DCLK1: variants seen among roughly 807,000 people sequenced by gnomAD.
DCLK1 encodes the protein doublecortin like kinase 1.
DCLK1 carries 16 observed loss-of-function variants against 86.2 expected under a neutral mutation model. The ratio of observed to expected loss-of-function variants is 0.19; its 90% CI spans 0.13 to 0.28. The LOEUF (loss-of-function observed/expected upper bound fraction) is 0.28, where lower values mean the gene tolerates loss of function less well. Ranked by LOEUF, DCLK1 falls within the 10% of genes least tolerant of loss-of-function variation. The pLI is 1.00. For missense variants in DCLK1, 590 were observed against 940.2 expected (o/e 0.63, Z 4.87); for synonymous variants, 369 against 370.5 (o/e 1.00, Z 0.05).
intron 4 of DCLK1, among the ~76,000 whole-genome samples, chr13:35,938,580 G>A (rs777322141): frequency 1.3e-4 from 19 of 151,916 alleles, no homozygotes; most frequent in Non-Finnish European, 2.5e-4. Flanking sequence ...AGTGAGCCAA[G>A]ATCGCGCCAC....
chr13:35,868,124 G>A (rs977762969), intron 5 of DCLK1, among the ~76,000 whole-genome samples: 2 of 149,780 alleles, frequency 1.3e-5, no homozygotes, highest in East Asian at 2.0e-4. Context: ...CCGGGTTCAC[G>A]CCATTCTCCT....
chr13:36,117,730 C>A (rs544258106), intron 2 of DCLK1, among the ~76,000 whole-genome samples: 24 of 152,286 alleles, frequency 1.6e-4, no homozygotes. Flanking sequence ...GTCATAGGTG[C>A]AAGACCTAAC....
intron 3 of DCLK1, among the ~76,000 whole-genome samples, chr13:35,994,094 T>C (rs1446128513): frequency 7.9e-6 from 1 of 127,282 alleles, no homozygotes; most frequent in African/African-American, 3.0e-5. Flanking sequence ...AGGGGAAAAG[T>C]AACATGCAGC....
intron 3 of DCLK1, among the ~76,000 whole-genome samples, chr13:35,989,420 C>T (rs7983141): frequency 1.3e-5 from 2 of 151,812 alleles, no homozygotes; most frequent in South Asian, 2.1e-4. Context: ...TACAGGTGCT[C>T]ACCACCACAC....
chr13:36,100,123 G>T (rs1885151773), intron 3 of DCLK1, among the ~76,000 whole-genome samples: 1 of 131,224 alleles, frequency 7.6e-6, no homozygotes, highest in Non-Finnish European at 1.6e-5. Flanking sequence ...CAGGAGGATT[G>T]CTTGAGTCCA....
intron 3 of DCLK1, among the ~76,000 whole-genome samples, chr13:35,971,399 T>C (rs1414176189): frequency 6.6e-6 from 1 of 152,112 alleles, no homozygotes; most frequent in Non-Finnish European, 1.5e-5. Context: ...AGCTAAGACT[T>C]AGAGCTTGAT....
intron 3 of DCLK1, among the ~76,000 whole-genome samples, chr13:35,976,141 C>T (rs1026629878): frequency 1.3e-5 from 2 of 152,064 alleles, no homozygotes; most frequent in Admixed American, 1.3e-4. Context: ...GGATGACATG[C>T]GGGTAGGGTT....
intron 15 of DCLK1, among the ~76,000 whole-genome samples, chr13:35,797,202 T>G (rs1593599014): frequency 6.6e-6 from 1 of 152,176 alleles, no homozygotes; most frequent in African/African-American, 2.4e-5. Context: ...TGGGGAAAGA[T>G]AGCTGGGTTT....
intron 3 of DCLK1, among the ~76,000 whole-genome samples, chr13:36,055,214 G>A (rs897645276): frequency 6.6e-6 from 1 of 152,108 alleles, no homozygotes; most frequent in Non-Finnish European, 1.5e-5. Flanking sequence ...TGGGTAAATG[G>A]ATAAATAATG....
At chr13:35,975,583 A>G (rs919800740) in intron 3 of DCLK1, among the ~76,000 whole-genome samples, 19 of 148,638 alleles carry the variant, frequency 1.3e-4, no homozygotes, top group African/African-American at 4.7e-4. Context: ...TTCTGGCAGC[A>G]TGACTTTGTA....
rs186104542 is a variant in DCLK1, at chr13:35,879,567, G to A, written c.824-8227C>T. ...TCTGCAGGTGTCCTGAGGGATAGGCGGTTTAGCTCCGGGAGATTGCTTGGT... is the reference window on the plus strand; with the variant it reads ...TCTGCAGGTGTCCTGAGGGATAGGCAGTTTAGCTCCGGGAGATTGCTTGGT... On this transcript the variant is annotated intron_variant, in intron 4 of 16. Transcript: ENST00000360631. Among the ~76,000 whole-genome samples the A allele has an allele frequency of 8.5e-5, 13 of 152,248 alleles. No individual in the cohort carries two copies. In the East Asian group the frequency reaches 1.7e-3, roughly 20 times the overall value.
intron 4 of DCLK1, among the ~76,000 whole-genome samples, chr13:35,931,272 C>G (rs1752710194): frequency 6.6e-6 from 1 of 152,108 alleles, no homozygotes; most frequent in South Asian, 2.1e-4. Context: ...TATCCTCAAG[C>G]AGAATTTGGA....
intron 3 of DCLK1, among the ~76,000 whole-genome samples, chr13:36,049,427 C>T (rs1032497585): frequency 1.3e-5 from 2 of 152,116 alleles, no homozygotes; most frequent in African/African-American, 4.8e-5. Flanking sequence ...TGCATAGATC[C>T]CTTCCATTAA....
chr13:36,045,274 T>TAG (rs1376934380), intron 3 of DCLK1, among the ~76,000 whole-genome samples: 15 of 136,984 alleles, frequency 1.1e-4, no homozygotes, highest in Admixed American at 7.6e-5. Context: ...TATATATATA[T>TAG]AGAAGATATA....
intron 3 of DCLK1, among the ~76,000 whole-genome samples, chr13:35,957,218 A>T (rs1446830074): frequency 6.6e-6 from 1 of 152,176 alleles, no homozygotes; most frequent in African/African-American, 2.4e-5. Context: ...TGGCATGCAG[A>T]TAAAGTTACA....
intron 4 of DCLK1, among the ~76,000 whole-genome samples, chr13:35,944,616 C>T (rs1441337771): frequency 6.6e-6 from 1 of 152,104 alleles, no homozygotes; most frequent in African/African-American, 2.4e-5. Flanking sequence ...CAATTTAGAT[C>T]GTTTTTCTAT....
intron 16 of DCLK1, among the ~76,000 whole-genome samples, chr13:35,775,350 A>G (rs936331966): frequency 6.6e-6 from 1 of 152,214 alleles, no homozygotes; most frequent in Non-Finnish European, 1.5e-5. Flanking sequence ...TTCACTTTAC[A>G]AAGTTCATTT....
At chr13:35,987,236 A>G (rs564952996) in intron 3 of DCLK1, among the ~76,000 whole-genome samples, 77 of 152,226 alleles carry the variant, frequency 5.1e-4, no homozygotes, top group Admixed American at 1.2e-3. Flanking sequence ...AGCCTGACCA[A>G]CATGGTGAAA....
chr13:35,931,204 C>G (rs541630869), intron 4 of DCLK1, among the ~76,000 whole-genome samples: 46 of 152,228 alleles, frequency 3.0e-4, no homozygotes, highest in Admixed American at 1.1e-3. Flanking sequence ...CAGCGTAACT[C>G]AGTTGGGAAA....
Sources: allele counts gnomAD v4.1 joint callset (sites outside exome capture counted in the v4.1 genomes callset), GRCh38; gene constraint gnomAD v4.1.1; transcripts MANE v1.5; gene names NCBI Gene and HGNC (gene_info 2026-07-23, HGNC 2026-07-21).